Variants in SEC14L1 observed in about 807,000 individuals in gnomAD.
SEC14L1 encodes SEC14-like protein 1.
In SEC14L1, 48 loss-of-function variants were observed where a neutral mutation model predicts 85.3. That is an observed-to-expected ratio of 0.56 (90% confidence interval 0.45 to 0.72). The LOEUF (loss-of-function observed/expected upper bound fraction) is 0.72, where lower values mean the gene tolerates loss of function less well. Ranked by LOEUF, SEC14L1 falls within the 30% of genes least tolerant of loss-of-function variation. SEC14L1 has a pLI of 0.00. For synonymous variants in SEC14L1, 391 were observed against 355.5 expected, an observed-to-expected ratio of 1.10 and a Z score of -1.12; for missense variants, 682 against 921.4, an observed-to-expected ratio of 0.74 and a Z score of 3.36.
chr17:77,120,846 G>A lies in SEC14L1; in HGVS notation c.-135-21800G>A, dbSNP rs996867931. Among the ~76,000 whole-genome samples the A allele has an allele frequency of 3.9e-5, 6 of 152,178 alleles. No individual in the cohort carries two copies. The South Asian group carries it at 6.2e-4, about 16-fold the overall frequency. ...GAAATGTCAGCCCTGCTGGGGCTCCGATGTGTGACTGAGATTCAGCTAATT... is the reference window on the plus strand; with the variant it reads ...GAAATGTCAGCCCTGCTGGGGCTCCAATGTGTGACTGAGATTCAGCTAATT... On this transcript the variant is annotated intron_variant, in intron 3 of 19. Transcript: ENST00000392476.
At chr17:77,117,789 C>G (rs1275300129) in intron 3 of SEC14L1, among the ~76,000 whole-genome samples, 9 of 152,198 alleles carry the variant, frequency 5.9e-5, no homozygotes, top group Non-Finnish European at 1.0e-4. Flanking sequence ...TCCTGTGCCT[C>G]CTTCTTCGTT....
intron 8 of SEC14L1, chr17:77,198,821 C>T (rs1975955592): frequency 6.6e-6 from 1 of 152,266 alleles, no homozygotes; most frequent in African/African-American, 2.4e-5. Context: ...ATCCACCCGC[C>T]TCGGCCTCCC....
At chr17:77,186,747 C>G (rs1395846723) in intron 3 of SEC14L1, among the ~76,000 whole-genome samples, 2 of 152,196 alleles carry the variant, frequency 1.3e-5, no homozygotes, top group African/African-American at 4.8e-5. Flanking sequence ...CTGTGTATTA[C>G]TTCTGTTCAG....
chr17:77,135,276 T>C (rs1405883888), intron 3 of SEC14L1, among the ~76,000 whole-genome samples: 1 of 152,262 alleles, frequency 6.6e-6, no homozygotes, highest in Non-Finnish European at 1.5e-5. Context: ...AGAATTCTGC[T>C]CTTGGTTTTC....
intron 8 of SEC14L1, among the ~76,000 whole-genome samples, chr17:77,198,411 A>G (rs1975923795): frequency 1.3e-5 from 2 of 152,212 alleles, no homozygotes; most frequent in Admixed American, 6.5e-5. Context: ...GTCCAGTCAC[A>G]TCTTTAGAAG....
chr17:77,209,952 C>T (rs1316999127), intron 14 of SEC14L1: 1 of 152,380 alleles, frequency 6.6e-6, no homozygotes, highest in African/African-American at 2.4e-5. Flanking sequence ...AAGCAATTCT[C>T]CTGCCTCAGC....
chr17:77,173,524 G>C lies in SEC14L1; in HGVS notation c.64-17279G>C, dbSNP rs114033131. Among the ~76,000 whole-genome samples, 598 of 152,156 alleles carry C rather than the reference G, an allele frequency of 3.9e-3. 2 individuals are homozygous for C. Among genetic ancestry groups the C allele is most frequent in the African/African-American group, 0.013 (557 of 41,484 alleles). On this transcript the variant is annotated intron_variant, in intron 3 of 16. Transcript: ENST00000436233. ...CTGGCTTATTCTTACTGGCTTTGAG[G>C]GGGTAGAGGTGGACAGGCCCCTGCC... is the stretch of plus-strand genomic sequence containing the variant.
intron 3 of SEC14L1, among the ~76,000 whole-genome samples, chr17:77,169,007 C>CTTTTTTTTTTTTTTTTTTTT (rs71160208): frequency 3.9e-5 from 3 of 77,832 alleles, no homozygotes; most frequent in East Asian, 3.9e-4. Context: ...TGAGGAGCAT[C>CTTTTTTTTTTTTTTTTTTTT]TTTTTTTTTT....
chr17:77,151,358 T>C (rs1242828987), intron 3 of SEC14L1, among the ~76,000 whole-genome samples: 2 of 152,092 alleles, frequency 1.3e-5, no homozygotes, highest in Non-Finnish European at 2.9e-5. Context: ...GTTTTGAAAA[T>C]GGACAATTAG....
chr17:77,124,052 C>T (rs1972372696), intron 3 of SEC14L1, among the ~76,000 whole-genome samples: 1 of 152,184 alleles, frequency 6.6e-6, no homozygotes, highest in Non-Finnish European at 1.5e-5. Flanking sequence ...ACGATAATCT[C>T]AGCCTGCACA....
chr17:77,120,704 T>C (rs1306836599), intron 3 of SEC14L1, among the ~76,000 whole-genome samples: 2 of 152,170 alleles, frequency 1.3e-5, no homozygotes, highest in South Asian at 4.1e-4. Context: ...CTCAAGCTCC[T>C]GACCTCAGGT....
rs1975106212 is a variant in SEC14L1, at chr17:77,183,028, G to T, written c.64-7775G>T. Reference sequence around the variant, plus strand: ...ACCACCTCGACCAGAGCTTCGGGCAGACCTAAAATTTGTACACGTTTTCAC... The same window carrying T: ...ACCACCTCGACCAGAGCTTCGGGCATACCTAAAATTTGTACACGTTTTCAC... On this transcript the variant is annotated intron_variant, in intron 3 of 16. Transcript: ENST00000436233. Among the ~76,000 whole-genome samples the T allele has an allele frequency of 2.0e-5, 3 of 152,376 alleles. No individual in the cohort carries two copies. In the South Asian group the frequency reaches 6.2e-4, roughly 32 times the overall value.
chr17:77,202,386 A>C (rs1215331863), intron 9 of SEC14L1, among the ~76,000 whole-genome samples: 1 of 152,164 alleles, frequency 6.6e-6, no homozygotes, highest in African/African-American at 2.4e-5. Flanking sequence ...TGGGAGGCTG[A>C]AGCGGGTGGA....
chr17:77,169,053 G>A lies in SEC14L1; in HGVS notation c.64-21750G>A, dbSNP rs1482050806. Among the ~76,000 whole-genome samples, 3 of 106,162 alleles carry A rather than the reference G, an allele frequency of 2.8e-5. No individual in the cohort carries two copies. In the East Asian group the frequency reaches 8.5e-4, roughly 30 times the overall value. 69.6% of individuals were successfully genotyped at this position (106,162 alleles called of 152,430 possible). On this transcript the variant is annotated intron_variant, in intron 3 of 16. Transcript: ENST00000436233. Reference sequence around the variant, plus strand: ...TTTTTTTTTTGTGATCCTCTGTCCTGTTATGTTGACGGAATGCCAGAGTGA... The same window carrying A: ...TTTTTTTTTTGTGATCCTCTGTCCTATTATGTTGACGGAATGCCAGAGTGA...
In SEC14L1 at chr17:77,203,849, G is replaced by A. The variant is rs530024590; in HGVS notation, c.1098+191G>A. ...AAGTTATAAAAGTGTTTCTCACAGT[G>A]GAAGCGTCAGTGAGGCAGTCAGGGT... is the stretch of plus-strand genomic sequence containing the variant. On this transcript the variant is annotated intron_variant, in intron 10 of 16. Transcript: ENST00000436233. 1.4e-4 allele frequency among the ~76,000 whole-genome samples: 21 copies of A among 152,284 alleles called. No homozygotes were observed. In the East Asian group the frequency reaches 3.3e-3, roughly 24 times the overall value.
At chr17:77,106,967 G>C (rs1764020842) in intron 3 of SEC14L1, among the ~76,000 whole-genome samples, 1 of 152,248 alleles carries the variant, frequency 6.6e-6, no homozygotes, top group Non-Finnish European at 1.5e-5. Context: ...CCGGCCACCA[G>C]GGTGGCATTT....
At chr17:77,211,682 T>C (rs945875878) in intron 14 of SEC14L1, 41 of 496,698 alleles carry the variant, frequency 8.3e-5, no homozygotes, top group African/African-American at 7.5e-4. Flanking sequence ...TCTTAGAGTG[T>C]GTGTGAAGAT....
intron 11 of SEC14L1, 152 bp downstream of exon 11, chr17:77,205,498 G>C: frequency 1.4e-6 from 1 of 729,020 alleles, no homozygotes. Flanking sequence ...AGTGACGAGG[G>C]ACAGACAGTT....
chr17:77,209,341 G>A lies in SEC14L1; in HGVS notation c.1477-1G>A. Reference sequence around the variant, plus strand: ...TTTCACTGCTGTGTTTCTTCTTCCAGTGCGAAGTGCCAGAGGGTGGACTGG... The same window carrying A: ...TTTCACTGCTGTGTTTCTTCTTCCAATGCGAAGTGCCAGAGGGTGGACTGG... On this transcript the variant is annotated splice_acceptor_variant, in intron 13 of 16. Transcript: ENST00000436233. LOFTEE classifies it high-confidence loss of function. 1 of 1,614,036 alleles carries A rather than the reference G, an allele frequency of 6.2e-7. No homozygotes were observed. The highest frequency in any genetic ancestry group is 8.5e-7 in the Non-Finnish European group (1 of 1,179,962).
Sources: allele counts gnomAD v4.1 joint callset (sites outside exome capture counted in the v4.1 genomes callset), GRCh38; gene constraint gnomAD v4.1.1; transcripts MANE v1.5; gene names NCBI Gene and HGNC (gene_info 2026-07-23, HGNC 2026-07-21).